The following SREK1 variants were observed in gnomAD, a reference collection of about 807,000 sequenced individuals.
The protein encoded by SREK1 is splicing regulatory glutamine/lysine-rich protein 1.
SREK1 carries 13 observed loss-of-function variants against 66.5 expected under a neutral mutation model. That is an observed-to-expected ratio of 0.20 (90% CI 0.13 to 0.31). The LOEUF is 0.31. SREK1 is among the 10% of genes least tolerant of loss of function. SREK1 has a pLI of 1.00. For missense variants in SREK1, 607 were observed against 769.6 expected, an observed-to-expected ratio of 0.79 and a Z score of 2.50; for synonymous variants, 265 against 263.5, an observed-to-expected ratio of 1.01 and a Z score of -0.05.
intron 1 of SREK1, among the ~76,000 whole-genome samples, chr5:66,152,569 C>A (rs1297254359): frequency 6.6e-6 from 1 of 152,110 alleles, no homozygotes; most frequent in East Asian, 1.9e-4. Context: ...AAGTAAATGA[C>A]TATTAAGTCA....
At chr5:66,165,523 T>C (rs1745098919) in intron 7 of SREK1, 1 of 152,266 alleles carries the variant, frequency 6.6e-6, no homozygotes, top group African/African-American at 2.4e-5. Context: ...CTTTGTCCTT[T>C]TGATTTTCTT....
rs991591632 is a variant in SREK1, at chr5:66,180,687, A to G, written c.*1819A>G. 2.6e-5 allele frequency: 4 copies of G among 152,552 alleles called. No homozygotes were observed. The highest frequency in any genetic ancestry group is 9.7e-5 in the African/African-American group (4 of 41,442). The allele number at this position is 152,552 out of a possible 1,614,324, so 9.4% of individuals were successfully genotyped here. ...ATGTAAAGTATAGATGGTCATTTTAATCATTCAGCCACATACGGTTGGCTG... is the reference window on the plus strand; with the variant it reads ...ATGTAAAGTATAGATGGTCATTTTAGTCATTCAGCCACATACGGTTGGCTG... On this transcript the variant is annotated 3_prime_UTR_variant, in exon 12 of 12. Transcript: ENST00000334121.
intron 5 of SREK1, chr5:66,163,530 T>A: frequency 3.5e-6 from 1 of 283,360 alleles, no homozygotes; most frequent in East Asian, 6.6e-5. Context: ...GGAAAAGCAC[T>A]TCATCTAGTC....
chr5:66,167,886 G>T (rs1745302706), intron 7 of SREK1: 1 of 152,082 alleles, frequency 6.6e-6, no homozygotes, highest in African/African-American at 2.4e-5. Context: ...AGAAGCAAAG[G>T]CACTTTAAAA....
chr5:66,148,780 C>G (rs1743493748), intron 1 of SREK1, among the ~76,000 whole-genome samples: 1 of 151,920 alleles, frequency 6.6e-6, no homozygotes, highest in Non-Finnish European at 1.5e-5. Flanking sequence ...TCTATAGATG[C>G]ATACATTTAG....
chr5:66,148,723 A>G (rs1235862910), intron 1 of SREK1, among the ~76,000 whole-genome samples: 1 of 152,162 alleles, frequency 6.6e-6, no homozygotes, highest in African/African-American at 2.4e-5. Flanking sequence ...TGGCATCCTA[A>G]AGTGCTGGGG....
chr5:66,152,143 C>T (rs564613725), intron 1 of SREK1, among the ~76,000 whole-genome samples: 14 of 152,268 alleles, frequency 9.2e-5, no homozygotes, highest in Admixed American at 7.2e-4. Flanking sequence ...TGAGCCACTG[C>T]GCCCGGCGGT....
At chr5:66,167,788 A>G (rs1256973461) in intron 7 of SREK1, 1 of 152,224 alleles carries the variant, frequency 6.6e-6, no homozygotes, top group Non-Finnish European at 1.5e-5. Flanking sequence ...GGTGGAAAGC[A>G]TTGCTTTGAG....
chr5:66,155,841 A>G (rs150899326), intron 2 of SREK1, among the ~76,000 whole-genome samples: 200 of 152,352 alleles, frequency 1.3e-3, no homozygotes, highest in Non-Finnish European at 2.6e-3. Flanking sequence ...AAAATAAAAT[A>G]TGCTTTCATT....
rs539647848 is a variant in SREK1 at position 66,172,110 on chromosome 5, A to AC, written c.1484+1165dup. Among the ~76,000 whole-genome samples, 647 of 152,308 alleles carry AC rather than the reference A, an allele frequency of 4.2e-3. 4 individuals carry two copies. Among genetic ancestry groups the AC allele is most frequent in the African/African-American group, 0.014 (596 of 41,570 alleles). ...TCACTGCTGGATTTCAGCACATTGA[A>AC]CCACAGATTGAAGAATTAATGTAAC... On this transcript the variant is annotated intron_variant, in intron 9 of 11. Coordinates refer to ENST00000334121, the MANE Select transcript of SREK1 (RefSeq NM_001077199.3).
chr5:66,144,899 C>CA, intron 1 of SREK1: 1 of 1,004,012 alleles, frequency 1.0e-6, no homozygotes, highest in South Asian at 4.4e-5. Context: ...GCAAACGTCT[C>CA]AGAGCGTTTT....
chr5:66,150,955 C>T (rs1184763779), intron 1 of SREK1, among the ~76,000 whole-genome samples: 1 of 152,026 alleles, frequency 6.6e-6, no homozygotes, highest in Non-Finnish European at 1.5e-5. Flanking sequence ...ATTCTTGTGC[C>T]TCAGCCTCCC....
At chr5:66,152,307 C>T (rs144849659) in intron 1 of SREK1, among the ~76,000 whole-genome samples, 5 of 152,218 alleles carry the variant, frequency 3.3e-5, no homozygotes, top group Admixed American at 2.0e-4. Flanking sequence ...GGTTATTCTA[C>T]GTTGTTTAAA....
At chr5:66,156,667 A>G (rs1744312184) in intron 2 of SREK1, 1 of 985,376 alleles carries the variant, frequency 1.0e-6, no homozygotes, top group Non-Finnish European at 1.2e-6. Flanking sequence ...ATACAAAATC[A>G]TCAAGGAAAA....
At chr5:66,159,114 C>T in intron 2 of SREK1, 105 bp from the exon 3 acceptor site, 1 of 1,440,328 alleles carries the variant, frequency 6.9e-7, no homozygotes, top group Non-Finnish European at 9.1e-7. Flanking sequence ...TAGATAGATT[C>T]ATTTATTATT....
intron 3 of SREK1, 123 bp from the exon 4 acceptor site, chr5:66,161,986 C>G: frequency 9.3e-7 from 1 of 1,080,490 alleles, no homozygotes; most frequent in East Asian, 2.6e-5. Context: ...ACTGAAAGTT[C>G]GGAGTCCCTA....
At chr5:66,146,598 A>T (rs1330476205) in intron 1 of SREK1, among the ~76,000 whole-genome samples, 3 of 152,048 alleles carry the variant, frequency 2.0e-5, no homozygotes, top group African/African-American at 7.2e-5. Flanking sequence ...CCCTAAGTGC[A>T]ATACTAGATC....
intron 1 of SREK1, among the ~76,000 whole-genome samples, chr5:66,145,432 C>T (rs1313949004): frequency 2.0e-5 from 3 of 151,852 alleles, no homozygotes; most frequent in Admixed American, 1.3e-4. Flanking sequence ...ATATCAAAAT[C>T]CTTTGAGGGA....
intron 2 of SREK1, chr5:66,156,260 T>G (rs1561498259): frequency 7.6e-7 from 1 of 1,312,878 alleles, no homozygotes; most frequent in Non-Finnish European, 9.7e-7. Flanking sequence ...TTTTGTCCCT[T>G]TTTTTGTTTT....
Sources: gnomAD v4.1 joint callset for allele counts (sites outside exome capture counted in the v4.1 genomes callset) on GRCh38, gnomAD v4.1.1 for gene constraint, MANE v1.5 for transcripts, NCBI Gene and HGNC (gene_info 2026-07-23, HGNC 2026-07-21) for gene names.